Variants in FAAH2 observed in about 807,000 individuals in gnomAD.
FAAH2 encodes the protein fatty acid amide hydrolase 2.
A neutral mutation model predicts 36.9 loss-of-function variants in FAAH2; 60 were observed. The ratio of observed to expected loss-of-function variants is 1.63; its 90% CI spans 1.32 to 2.02. FAAH2 has a LOEUF of 2.02. Ranked by LOEUF, FAAH2 falls within the 30% of genes most tolerant of loss-of-function variation. The pLI, the probability that FAAH2 is intolerant of heterozygous loss-of-function variation, is 0.00. For missense variants in FAAH2, 689 were observed against 397.5 expected, an observed-to-expected ratio of 1.73 and a Z score of -6.23; for synonymous variants, 214 against 143.8, an observed-to-expected ratio of 1.49 and a Z score of -3.49.
At chrX:57,451,902 AT>A (rs1303972811) in intron 10 of FAAH2, among the ~76,000 whole-genome samples, 1 of 112,889 alleles carries the variant, frequency 8.9e-6, no homozygotes, top group Non-Finnish European at 1.9e-5. Context: ...GATTCTTTGA[AT>A]ATTTGATTAG....
the FAAH2 span, among the ~76,000 whole-genome samples, chrX:57,199,842 T>A: frequency 1.8e-5 from 2 of 112,357 alleles, no homozygotes; most frequent in African/African-American, 3.2e-5. Flanking sequence ...TAAGTAGAAA[T>A]CTTCTTTGAC....
rs1160079079 is a variant in FAAH2 at position 57,295,742 on chromosome X, C to T, written c.275+3162C>T. On this transcript the variant is annotated intron_variant, in intron 2 of 10. Transcript: ENST00000374900. ...GGGTGACAGATGGCACCTGGAAAATCGGGTCACTCCCACCCTAATACTGTG... is the reference window on the plus strand; with the variant it reads ...GGGTGACAGATGGCACCTGGAAAATTGGGTCACTCCCACCCTAATACTGTG... Among the ~76,000 whole-genome samples the T allele has an allele frequency of 4.5e-5, 5 of 111,901 alleles. No individual in the cohort carries two copies. In the East Asian group the frequency reaches 8.5e-4, roughly 19 times the overall value.
chrX:57,372,685 G>A (rs780823689), intron 5 of FAAH2, among the ~76,000 whole-genome samples: 22 of 110,345 alleles, frequency 2.0e-4, no homozygotes, highest in South Asian at 1.2e-3. Context: ...AAATATACTC[G>A]CCATAAAACT....
intron 8 of FAAH2, among the ~76,000 whole-genome samples, chrX:57,439,767 C>A (rs1348750618): frequency 1.8e-5 from 2 of 111,473 alleles, no homozygotes; most frequent in African/African-American, 6.5e-5. Context: ...CCATCTTGAA[C>A]TAATTTTTGC....
the FAAH2 span, among the ~76,000 whole-genome samples, chrX:57,222,175 C>G: frequency 9.0e-6 from 1 of 111,361 alleles, no homozygotes; most frequent in Non-Finnish European, 1.9e-5. Flanking sequence ...AAAAATCTCT[C>G]TTTTCTAGGA....
intron 4 of FAAH2, among the ~76,000 whole-genome samples, chrX:57,336,614 T>A (rs997326247): frequency 1.8e-5 from 2 of 111,708 alleles, no homozygotes; most frequent in Non-Finnish European, 3.8e-5. Flanking sequence ...TACGGGGAAA[T>A]CAAACAACCT....
At chrX:57,263,509 T>C in the FAAH2 span, among the ~76,000 whole-genome samples, 4 of 112,089 alleles carry the variant, frequency 3.6e-5, no homozygotes, top group East Asian at 2.8e-4. Context: ...AGTAAAGATG[T>C]TAATTCCTCC....
At chrX:57,185,869 C>A in the FAAH2 span, among the ~76,000 whole-genome samples, 10 of 110,757 alleles carry the variant, frequency 9.0e-5, no homozygotes, top group Non-Finnish European at 1.9e-4. Flanking sequence ...CATCCATATC[C>A]CTGCAAAGGA....
chrX:57,391,916 C>T (rs1290427448), intron 7 of FAAH2, among the ~76,000 whole-genome samples: 2 of 110,134 alleles, frequency 1.8e-5, no homozygotes, highest in African/African-American at 3.3e-5. Context: ...GCAGTATGGT[C>T]GTTTTAACTA....
chrX:57,163,569 C>T, the FAAH2 span, among the ~76,000 whole-genome samples: 1 of 112,000 alleles, frequency 8.9e-6, no homozygotes, highest in African/African-American at 3.2e-5. Flanking sequence ...CGTGGTGCGC[C>T]GTTTTTTAAG....
chrX:57,324,605 G>T (rs925551638), intron 3 of FAAH2, among the ~76,000 whole-genome samples: 2 of 111,780 alleles, frequency 1.8e-5, no homozygotes, highest in Admixed American at 1.9e-4. Context: ...TGAAGCAATT[G>T]TGAATGGGAG....
chrX:57,160,941 A>G, the FAAH2 span, among the ~76,000 whole-genome samples: 1 of 111,417 alleles, frequency 9.0e-6, no homozygotes, highest in East Asian at 2.8e-4. Context: ...AGTTCTTTTA[A>G]TTGTGATGTT....
At chrX:57,271,800 A>T in the FAAH2 span, among the ~76,000 whole-genome samples, 1 of 111,583 alleles carries the variant, frequency 9.0e-6, no homozygotes, top group African/African-American at 3.3e-5. Context: ...AAGAAAAAAA[A>T]AAGTGCTAAA....
At chrX:57,331,936 G>T in intron 4 of FAAH2, 129 bp downstream of exon 4, 4 of 619,649 alleles carry the variant, frequency 6.5e-6, no homozygotes, top group East Asian at 7.2e-5. Flanking sequence ...CAGGATATTT[G>T]TGTGTTGATG....
chrX:57,189,429 G>A, the FAAH2 span, among the ~76,000 whole-genome samples: 1 of 109,633 alleles, frequency 9.1e-6, no homozygotes, highest in South Asian at 4.0e-4. Context: ...TTGTGCCCAT[G>A]CTGGAGAGGA....
chrX:57,310,548 G>A (rs1403742580), intron 2 of FAAH2, 45 bp from the exon 3 acceptor site: 1 of 1,163,543 alleles, frequency 8.6e-7, no homozygotes, highest in Non-Finnish European at 1.1e-6. Flanking sequence ...AAGTTGGTTG[G>A]ATGACTTGTT....
At chrX:57,349,452 C>CAT (rs1296356852) in intron 5 of FAAH2, among the ~76,000 whole-genome samples, 1 of 94,620 alleles carries the variant, frequency 1.1e-5, no homozygotes, top group Non-Finnish European at 2.0e-5. Context: ...CACATAGATA[C>CAT]ATATATATAC....
chrX:57,149,763 G>T, the FAAH2 span, among the ~76,000 whole-genome samples: 3 of 110,938 alleles, frequency 2.7e-5, no homozygotes, highest in African/African-American at 9.8e-5. Context: ...ATTTGCTTCA[G>T]TTCTGCTCTG....
the FAAH2 span, among the ~76,000 whole-genome samples, chrX:57,162,681 G>A: frequency 9.0e-6 from 1 of 111,617 alleles, no homozygotes; most frequent in Non-Finnish European, 1.9e-5. Flanking sequence ...CATTCTTCAC[G>A]TAGTTCTTGA....
Sources: gnomAD v4.1 joint callset for allele counts (sites outside exome capture counted in the v4.1 genomes callset) on GRCh38, gnomAD v4.1.1 for gene constraint, MANE v1.5 for transcripts, NCBI Gene and HGNC (gene_info 2026-07-23, HGNC 2026-07-21) for gene names.